EPS15L1: variants seen among roughly 807,000 people sequenced by gnomAD.
EPS15L1 encodes epidermal growth factor receptor pathway substrate 15 like 1.
EPS15L1 carries 43 observed loss-of-function variants against 117.1 expected under a neutral mutation model. The ratio of observed to expected loss-of-function variants is 0.37; its 90% CI spans 0.29 to 0.47. The LOEUF is 0.47. Ranked by LOEUF, EPS15L1 falls within the 20% of genes least tolerant of loss-of-function variation. The pLI is 0.99. For missense variants in EPS15L1, 981 were observed against 1,164.0 expected (o/e 0.84, Z 2.29); for synonymous variants, 459 against 470.5 (o/e 0.98, Z 0.32).
In EPS15L1 at chr19:16,471,942, C is replaced by T. The variant is rs1463588353; in HGVS notation, c.4G>A (p.Ala2Thr). Residue 2 changes from alanine to threonine, a missense_variant, in exon 1 of 24, where the codon GCG (alanine) becomes ACG (threonine). Physicochemically the swap from Ala to Thr is moderately conservative, Grantham distance 58. Transcript: ENST00000455140. This position sits in a 1 kb window ranked among gnomAD's most constrained non-coding sequence, Gnocchi z 4.8. ...TGGGAGAGGGGGATGAGCGGCGCCG[C>T]CATCTTCCCGCGGACTCGGGCTCCG... is the stretch of plus-strand genomic sequence containing the variant. M[A>T]APLIPLSQQI... 2 of 1,289,816 alleles carry T rather than the reference C, an allele frequency of 1.6e-6. No homozygotes were observed. Among genetic ancestry groups the T allele is most frequent in the Non-Finnish European group, 2.0e-6 (2 of 1,019,702 alleles). The allele number at this position is 1,289,816 out of a possible 1,614,324, so 79.9% of individuals were successfully genotyped here.
intron 17 of EPS15L1, 138 bp downstream of exon 17, chr19:16,395,201 CAAAAA>C (rs368177768): frequency 2.6e-3 from 1,185 of 457,664 alleles, no homozygotes; most frequent in South Asian, 4.2e-3. Flanking sequence ...AGTTCGTCTC[CAAAAA>C]AAAAAAAAAA....
intron 22 of EPS15L1, among the ~76,000 whole-genome samples, chr19:16,373,888 G>A (rs534365215): frequency 2.6e-5 from 4 of 152,292 alleles, no homozygotes; most frequent in African/African-American, 7.2e-5. Context: ...AAGCTCAAAC[G>A]GCAACCACCA....
intron 1 of EPS15L1, among the ~76,000 whole-genome samples, chr19:16,445,604 A>G (rs1194534817): frequency 6.6e-6 from 1 of 152,120 alleles, no homozygotes; most frequent in Non-Finnish European, 1.5e-5. Context: ...TGCTAATGAC[A>G]TAAATCCCCA....
chr19:16,437,652 A>G, intron 5 of EPS15L1, 118 bp downstream of exon 5: 1 of 732,042 alleles, frequency 1.4e-6, no homozygotes. Context: ...TTTCACCACA[A>G]TAAAAGGGGA....
intron 11 of EPS15L1, 79 bp downstream of exon 11, chr19:16,417,869 T>G: frequency 1.3e-6 from 2 of 1,526,168 alleles, no homozygotes; most frequent in Non-Finnish European, 1.8e-6. Context: ...CGTGGGCTCA[T>G]GTGTGCCACC....
Position 16,404,063 on chromosome 19 carries a change from A to G in EPS15L1, c.1429-133T>C. On this transcript the variant is annotated intron_variant, in intron 14 of 23. Transcript: ENST00000455140. The surrounding 1 kb of genome is among the most constrained non-coding windows in gnomAD (Gnocchi z 4.2). ...CGCAGACACCTAACCCAGGCCCGAC[A>G]CCTGGCTTCCTTACAGGCCTCTTTC... The G allele has an allele frequency of 1.3e-6, 1 of 779,774 alleles. No individual in the cohort carries two copies. Among genetic ancestry groups the G allele is most frequent in the Non-Finnish European group, 2.1e-6 (1 of 485,776 alleles). The allele number at this position is 779,774 out of a possible 1,614,324, so 48.3% of individuals were successfully genotyped here. A position where few individuals can be genotyped will look rare whatever the true frequency, so the allele number is the denominator to read the frequency against.
rs1427239572 is a variant in EPS15L1 at position 16,371,676 on chromosome 19, G to A, written c.2380+5446C>T. Among the ~76,000 whole-genome samples, 1 of 152,230 alleles carries A rather than the reference G, an allele frequency of 6.6e-6. No individual in the cohort carries two copies. The highest frequency in any genetic ancestry group is 2.4e-5 in the African/African-American group (1 of 41,462). On this transcript the variant is annotated intron_variant, in intron 22 of 23. Transcript: ENST00000455140. This position sits in a 1 kb window ranked among gnomAD's most constrained non-coding sequence, Gnocchi z 4.7. ...CGCAGGGCCGCGCTGGCAGGAAGTGGCAAGGGTGGGGCCGGTCGCAGGATC... is the reference window on the plus strand; with the variant it reads ...CGCAGGGCCGCGCTGGCAGGAAGTGACAAGGGTGGGGCCGGTCGCAGGATC...
intron 21 of EPS15L1, among the ~76,000 whole-genome samples, chr19:16,379,236 C>T (rs540545510): frequency 3.3e-5 from 5 of 152,076 alleles, no homozygotes; most frequent in South Asian, 2.1e-4. Context: ...ACCTGGGAGG[C>T]GGAGCTTGCA....
At chr19:16,380,139 G>A (rs1261836704) in intron 21 of EPS15L1, among the ~76,000 whole-genome samples, 1 of 135,300 alleles carries the variant, frequency 7.4e-6, no homozygotes, top group Non-Finnish European at 1.6e-5. Context: ...GCATCTAGTC[G>A]CACAGACGCA....
intron 18 of EPS15L1, among the ~76,000 whole-genome samples, chr19:16,393,456 T>C (rs981638567): frequency 1.3e-5 from 2 of 151,856 alleles, no homozygotes; most frequent in South Asian, 2.1e-4. Context: ...GAGACGAGCC[T>C]GGCTAACACG....
At chr19:16,388,855 C>T (rs1255478070) in intron 19 of EPS15L1, among the ~76,000 whole-genome samples, 1 of 151,826 alleles carries the variant, frequency 6.6e-6, no homozygotes, top group Non-Finnish European at 1.5e-5. Context: ...CAAACAAAAA[C>T]TCTTCTCATT....
chr19:16,426,600 C>T, intron 8 of EPS15L1, among the ~76,000 whole-genome samples: 1 of 152,168 alleles, frequency 6.6e-6, no homozygotes, highest in African/African-American at 2.4e-5. Context: ...GATCATGCCA[C>T]TGCACACCAG....
At chr19:16,457,013 A>C (rs2093203997) in intron 1 of EPS15L1, among the ~76,000 whole-genome samples, 1 of 152,006 alleles carries the variant, frequency 6.6e-6, no homozygotes, top group South Asian at 2.1e-4. Context: ...TGAGATGGTA[A>C]ACGGCAGAAA....
rs764160214 is a variant in EPS15L1, at chr19:16,404,961, G to C, written c.1267-212C>G. Among the ~76,000 whole-genome samples, 1 of 152,208 alleles carries C rather than the reference G, an allele frequency of 6.6e-6. No homozygotes were observed. The highest frequency in any genetic ancestry group is 1.5e-5 in the Non-Finnish European group (1 of 68,036). ...CACTGTCTCACCAGCTCCCTCAGCA[G>C]GTATTTCCCGATGGCCTAACAGAGG... On this transcript the variant is annotated intron_variant, in intron 13 of 23. Transcript: ENST00000455140. This position sits in a 1 kb window ranked among gnomAD's most constrained non-coding sequence, Gnocchi z 4.2.
intron 21 of EPS15L1, among the ~76,000 whole-genome samples, chr19:16,380,691 C>T (rs574260211): frequency 5.9e-5 from 9 of 152,236 alleles, no homozygotes; most frequent in South Asian, 2.1e-4. Context: ...CACACCGATG[C>T]GGTCGTCTGA....
intron 22 of EPS15L1, among the ~76,000 whole-genome samples, chr19:16,374,040 G>A (rs898936322): frequency 6.6e-6 from 1 of 152,242 alleles, no homozygotes; most frequent in East Asian, 1.9e-4. Flanking sequence ...AATGCTGCGC[G>A]TGCATTGGCT....
Position 16,413,768 on chromosome 19 carries a change from C to T in EPS15L1, c.1266+5G>A. ...AGATGTAACCAAAACGAACGAGACC[C>T]TTACCTGCACCTCGCTGGTTTTCTG... On this transcript the variant is annotated splice_donor_5th_base_variant and intron_variant, in intron 13 of 23. Coordinates refer to ENST00000455140, the MANE Select transcript of EPS15L1 (RefSeq NM_001258374.3). 1.2e-6 allele frequency: 2 copies of T among 1,613,238 alleles called. No homozygotes were observed. Among genetic ancestry groups the T allele is most frequent in the Admixed American group, 1.7e-5 (1 of 60,024 alleles).
chr19:16,355,387 A>C lies in EPS15L1; in HGVS notation c.*318T>G. The stretch of plus-strand genomic sequence containing the variant: ...GCTATGAGTAGGGAGGAGGCGGGGA[A>C]GCCCTGGGTGCTTCCTCTCCTCGAC... On this transcript the variant is annotated 3_prime_UTR_variant, in exon 24 of 24. Transcript: ENST00000455140. The C allele has an allele frequency of 3.3e-6, 1 of 302,158 alleles. No individual in the cohort carries two copies. 18.7% of individuals were successfully genotyped at this position (302,158 alleles called of 1,614,324 possible).
At chr19:16,422,122 G>A (rs2092820163) in intron 9 of EPS15L1, among the ~76,000 whole-genome samples, 1 of 152,238 alleles carries the variant, frequency 6.6e-6, no homozygotes, top group Non-Finnish European at 1.5e-5. Context: ...GGCAGATGGA[G>A]CCACGAGCCC....
Sources: gnomAD v4.1 joint callset for allele counts (sites outside exome capture counted in the v4.1 genomes callset) on GRCh38, gnomAD v4.1.1 for gene constraint, Gnocchi (gnomAD v3.1) non-coding constraint, MANE v1.5 for transcripts, NCBI Gene and HGNC (gene_info 2026-07-23, HGNC 2026-07-21) for gene names.